TRIM71: variants seen among roughly 807,000 people sequenced by gnomAD.
TRIM71 encodes the protein tripartite motif containing 71.
In TRIM71, 9 loss-of-function variants were observed where a neutral mutation model predicts 61.2. The ratio of observed to expected loss-of-function variants is 0.15; its 90% CI spans 0.09 to 0.26. TRIM71 has a LOEUF of 0.26. Ranked by LOEUF, TRIM71 falls within the 10% of genes least tolerant of loss-of-function variation. The pLI is 1.00. For synonymous variants in TRIM71, 645 were observed against 553.2 expected, an observed-to-expected ratio of 1.17 and a Z score of -2.33; for missense variants, 998 against 1,238.7, an observed-to-expected ratio of 0.81 and a Z score of 2.92.
At chr3:32,841,807 TTTTAA>T (rs1696409382) in intron 1 of TRIM71, among the ~76,000 whole-genome samples, 2 of 152,186 alleles carry the variant, frequency 1.3e-5, no homozygotes, top group African/African-American at 4.8e-5. Context: ...GAAGCTTCCT[TTTTAA>T]TTTATTTTAA....
At chr3:32,833,414 G>T (rs76164760) in intron 1 of TRIM71, among the ~76,000 whole-genome samples, 1,759 of 152,004 alleles carry the variant, frequency 0.012, 35 homozygotes, top group East Asian at 0.1. Context: ...ACTTCACATT[G>T]GGATAATAAG....
intron 1 of TRIM71, among the ~76,000 whole-genome samples, chr3:32,865,369 C>T (rs751690983): frequency 5.3e-5 from 8 of 151,990 alleles, no homozygotes; most frequent in Non-Finnish European, 1.2e-4. Flanking sequence ...AACCAAAAAA[C>T]CCACTGTTGC....
At chr3:32,862,518 A>G (rs550872358) in intron 1 of TRIM71, among the ~76,000 whole-genome samples, 17 of 152,320 alleles carry the variant, frequency 1.1e-4, no homozygotes, top group East Asian at 5.8e-4. Flanking sequence ...ACTGAGTTAC[A>G]TGGCCACCTA....
intron 2 of TRIM71, among the ~76,000 whole-genome samples, chr3:32,882,717 A>AT (rs1247101967): frequency 2.0e-5 from 3 of 151,772 alleles, no homozygotes; most frequent in Non-Finnish European, 2.9e-5. Context: ...TGGCTAATTT[A>AT]TTTTTTTGTA....
chr3:32,846,960 A>T (rs924645065), intron 1 of TRIM71, among the ~76,000 whole-genome samples: 1 of 151,360 alleles, frequency 6.6e-6, no homozygotes, highest in Non-Finnish European at 1.5e-5. Flanking sequence ...GAGAGGACAG[A>T]TAGCTCTTTG....
At position 32,884,314 on chromosome 3, in the gene TRIM71, T is replaced by C. The variant is rs112395047; in HGVS notation, c.1021-1620T>C. ...TTGCATGCCATGAATGTGTCAGCTG[T>C]CATCCAGAGCAAGTCAAACTGTTGG... is the stretch of plus-strand genomic sequence containing the variant. On this transcript the variant is annotated intron_variant, in intron 2 of 3. Coordinates refer to ENST00000383763, the MANE Select transcript of TRIM71 (RefSeq NM_001039111.3). Among the ~76,000 whole-genome samples the C allele has an allele frequency of 3.4e-3, 516 of 152,244 alleles. 2 individuals are homozygous for C. The highest frequency in any genetic ancestry group is 0.011 in the African/African-American group (459 of 41,548).
At chr3:32,870,095 G>T (rs926621318) in intron 1 of TRIM71, among the ~76,000 whole-genome samples, 4 of 152,098 alleles carry the variant, frequency 2.6e-5, no homozygotes, top group African/African-American at 9.7e-5. Context: ...TTACATCCAT[G>T]CACATCCTTA....
At chr3:32,855,104 T>C (rs1167300056) in intron 1 of TRIM71, among the ~76,000 whole-genome samples, 4 of 152,200 alleles carry the variant, frequency 2.6e-5, no homozygotes, top group African/African-American at 9.7e-5. Flanking sequence ...TAAGTATATA[T>C]GTATAGTGAA....
At chr3:32,843,342 T>C (rs1696433325) in intron 1 of TRIM71, among the ~76,000 whole-genome samples, 1 of 152,098 alleles carries the variant, frequency 6.6e-6, no homozygotes, top group South Asian at 2.1e-4. Context: ...CAGGATCCCT[T>C]TTCTCATCAA....
chr3:32,830,780 A>G (rs1047258758), intron 1 of TRIM71, among the ~76,000 whole-genome samples: 2 of 152,138 alleles, frequency 1.3e-5, no homozygotes, highest in African/African-American at 4.8e-5. Context: ...TTTTCAAGCC[A>G]TAGAATGCCT....
At chr3:32,867,893 G>T (rs1696755973) in intron 1 of TRIM71, among the ~76,000 whole-genome samples, 1 of 151,838 alleles carries the variant, frequency 6.6e-6, no homozygotes, top group Admixed American at 6.6e-5. Flanking sequence ...TGGGCCTCAG[G>T]GTGTGTGTGT....
chr3:32,836,198 G>T (rs1454227153), intron 1 of TRIM71, among the ~76,000 whole-genome samples: 1 of 152,026 alleles, frequency 6.6e-6, no homozygotes, highest in East Asian at 1.9e-4. Flanking sequence ...TTGCTCCGGA[G>T]AGCTTGCCTT....
intron 1 of TRIM71, among the ~76,000 whole-genome samples, chr3:32,842,313 C>T (rs764837709): frequency 1.3e-5 from 2 of 152,204 alleles, no homozygotes; most frequent in African/African-American, 2.4e-5. Flanking sequence ...AGTCCCATCC[C>T]GCATGCTGCT....
In TRIM71 at chr3:32,891,872, C is replaced by CTCTT. The variant is rs2125693883; in HGVS notation, c.*62_*63insCTTT. 2.0e-6 allele frequency: 3 copies of CTCTT among 1,510,720 alleles called. No individual in the cohort carries two copies. Among genetic ancestry groups the CTCTT allele is most frequent in the Non-Finnish European group, 2.7e-6 (3 of 1,127,936 alleles). 93.6% of individuals were successfully genotyped at this position (1,510,720 alleles called of 1,614,324 possible). A position where few individuals can be genotyped will look rare whatever the true frequency, so the allele number is the denominator to read the frequency against. ...TGCGTGTCTCTCTCTCTCTCTCTCTCTTTCTCTTTCTCTCTCTTTTTGAAT... is the reference window on the plus strand; with the variant it reads ...TGCGTGTCTCTCTCTCTCTCTCTCTCTCTTTTTCTCTTTCTCTCTCTTTTTGAAT... On this transcript the variant is annotated 3_prime_UTR_variant, in exon 4 of 4. Coordinates refer to ENST00000383763, the MANE Select transcript of TRIM71 (RefSeq NM_001039111.3). This position sits in a 1 kb window ranked among gnomAD's most constrained non-coding sequence, Gnocchi z 8.2.
In TRIM71 at chr3:32,896,979, C is replaced by A. The variant is rs200184999; in HGVS notation, c.*5168C>A. On this transcript the variant is annotated 3_prime_UTR_variant, in exon 4 of 4. Coordinates refer to ENST00000383763, the MANE Select transcript of TRIM71 (RefSeq NM_001039111.3). ...TTCTTGCTTTTAGGGTGGTAAGATT[C>A]CTTTCTTTTTTTCCCTTTTCTCCTA... The A allele has an allele frequency of 1.3e-5, 1 of 79,496 alleles. No individual in the cohort carries two copies. The highest frequency in any genetic ancestry group is 3.3e-5 in the Non-Finnish European group (1 of 30,184). 4.9% of individuals were successfully genotyped at this position (79,496 alleles called of 1,614,324 possible). A position where few individuals can be genotyped will look rare whatever the true frequency, so the allele number is the denominator to read the frequency against.
At chr3:32,879,890 G>A (rs1369107028) in intron 2 of TRIM71, among the ~76,000 whole-genome samples, 3 of 151,752 alleles carry the variant, frequency 2.0e-5, no homozygotes, top group South Asian at 4.2e-4. Context: ...GAGGCCTGGA[G>A]GTTGAGGTTG....
intron 2 of TRIM71, among the ~76,000 whole-genome samples, chr3:32,875,382 A>G (rs929664028): frequency 6.6e-6 from 1 of 152,234 alleles, no homozygotes; most frequent in African/African-American, 2.4e-5. Flanking sequence ...TCCAGGTGAC[A>G]AGGTTTTAGG....
At chr3:32,869,503 T>C (rs900457304) in intron 1 of TRIM71, among the ~76,000 whole-genome samples, 5 of 152,252 alleles carry the variant, frequency 3.3e-5, no homozygotes, top group African/African-American at 1.2e-4. Flanking sequence ...GGGCCACAGA[T>C]AGTGTAAAAT....
chr3:32,880,819 G>A (rs541985026), intron 2 of TRIM71, among the ~76,000 whole-genome samples: 35 of 152,112 alleles, frequency 2.3e-4, no homozygotes, highest in Middle Eastern at 3.2e-3. Flanking sequence ...TGGGGATAGC[G>A]ATAAACAGGA....
Sources: gnomAD v4.1 joint callset for allele counts (sites outside exome capture counted in the v4.1 genomes callset) on GRCh38, gnomAD v4.1.1 for gene constraint, Gnocchi (gnomAD v3.1) non-coding constraint, MANE v1.5 for transcripts, NCBI Gene and HGNC (gene_info 2026-07-23, HGNC 2026-07-21) for gene names.